The following LYZL2 variants were observed in gnomAD, a reference collection of about 807,000 sequenced individuals.
The protein encoded by LYZL2 is lysozyme like 2, also known as lysozyme-like protein 2.
In LYZL2, 13 loss-of-function variants were observed where a neutral mutation model predicts 17.1. That is an observed-to-expected ratio of 0.76 (90% CI 0.49 to 1.21). The LOEUF is 1.21. Ranked by LOEUF, LYZL2 falls within the 50% of genes most tolerant of loss-of-function variation. LYZL2 has a pLI of 0.00. For synonymous variants in LYZL2, 63 were observed against 74.4 expected, an observed-to-expected ratio of 0.85 and a Z score of 0.79; for missense variants, 166 against 189.2, an observed-to-expected ratio of 0.88 and a Z score of 0.72.
At chr10:30,613,973 G>C (rs373689013) in intron 3 of LYZL2, among the ~76,000 whole-genome samples, 1 of 152,200 alleles carries the variant, frequency 6.6e-6, no homozygotes, top group Admixed American at 6.5e-5. Context: ...GCCTCCCAAA[G>C]TGCTGGGATT....
chr10:30,608,151 C>A (rs1838396351), downstream of LYZL2, among the ~76,000 whole-genome samples: 1 of 152,206 alleles, frequency 6.6e-6, no homozygotes, highest in Non-Finnish European at 1.5e-5. Flanking sequence ...CCCTGTTGCC[C>A]AGGCTGGTCT....
At chr10:30,610,371 G>A (rs2132930066), downstream of LYZL2, among the ~76,000 whole-genome samples, 1 of 152,222 alleles carries the variant, frequency 6.6e-6, no homozygotes, top group South Asian at 2.1e-4. Context: ...CCATAAAAAA[G>A]AATGAGTTCA....
At chr10:30,626,038 G>T in intron 3 of LYZL2, 67 bp downstream of exon 3, 1 of 1,564,540 alleles carries the variant, frequency 6.4e-7, no homozygotes, top group East Asian at 2.3e-5. Flanking sequence ...AGACATGGTT[G>T]GTGATCCCAT....
chr10:30,614,806 A>C (rs1446259235), intron 3 of LYZL2, among the ~76,000 whole-genome samples: 1 of 152,152 alleles, frequency 6.6e-6, no homozygotes, highest in Non-Finnish European at 1.5e-5. Context: ...CCTTTCACCT[A>C]ATAATTTCTC....
chr10:30,629,494 G>T, intron 1 of LYZL2, 99 bp downstream of exon 1: 2 of 1,167,396 alleles, frequency 1.7e-6, no homozygotes, highest in Non-Finnish European at 2.4e-6. Flanking sequence ...AAAACCCGTA[G>T]CAATGATAAC....
intron 3 of LYZL2, among the ~76,000 whole-genome samples, chr10:30,618,045 A>G (rs1489171948): frequency 4.6e-5 from 7 of 151,670 alleles, no homozygotes; most frequent in Non-Finnish European, 8.8e-5. Context: ...ACAAACAGAG[A>G]GCCAAATCAT....
At chr10:30,610,755 T>C (rs897676714), downstream of LYZL2, among the ~76,000 whole-genome samples, 17 of 152,180 alleles carry the variant, frequency 1.1e-4, no homozygotes, top group Admixed American at 9.8e-4. Context: ...TATTTATTTT[T>C]TTTTCTGGAA....
intron 3 of LYZL2, among the ~76,000 whole-genome samples, chr10:30,613,888 A>T (rs1230625105): frequency 6.6e-6 from 1 of 151,840 alleles, no homozygotes; most frequent in Admixed American, 6.6e-5. Flanking sequence ...ACCATTTTTT[A>T]TTTTTATTTT....
At chr10:30,629,173 G>T (rs1213132808) in intron 1 of LYZL2, among the ~76,000 whole-genome samples, 1 of 152,148 alleles carries the variant, frequency 6.6e-6, no homozygotes, top group Non-Finnish European at 1.5e-5. Context: ...AGGGCAAATT[G>T]CTTGAAGCCA....
At position 30,612,033 on chromosome 10, in the gene LYZL2, G is replaced by A; in HGVS notation, c.378-9C>T. The A allele has an allele frequency of 6.8e-6, 11 of 1,613,922 alleles. No individual in the cohort carries two copies. The highest frequency in any genetic ancestry group is 1.1e-5 in the South Asian group (1 of 91,058). On this transcript the variant is annotated splice_polypyrimidine_tract_variant and intron_variant, in intron 4 of 4. Coordinates refer to ENST00000647634, the MANE Select transcript of LYZL2 (RefSeq NM_183058.3). ...GTTTCTTCCAGCCTTGCCTGAGGACGAGAGGGAAGCAAGAGCAGCAGAAAG... is the reference window on the plus strand; with the variant it reads ...GTTTCTTCCAGCCTTGCCTGAGGACAAGAGGGAAGCAAGAGCAGCAGAAAG...
intron 4 of LYZL2, 120 bp from the exon 5 acceptor site, chr10:30,612,144 T>G: frequency 8.2e-7 from 1 of 1,217,226 alleles, no homozygotes; most frequent in South Asian, 1.3e-5. Context: ...GGGTTTCATT[T>G]GCTTCTGAGA....
downstream of LYZL2, among the ~76,000 whole-genome samples, chr10:30,611,530 A>AGAAGGAAGGAAGGAAGGAAGGAAGGAAG: frequency 1.2e-5 from 1 of 80,424 alleles, no homozygotes; most frequent in East Asian, 3.2e-4. Flanking sequence ...GGAAAAAGAA[A>AGAAGGAAGGAAGGAAGGAAGGAAGGAAG]GAAGGAAGGA....
chr10:30,608,650 G>T (rs538784755), downstream of LYZL2, among the ~76,000 whole-genome samples: 8 of 152,128 alleles, frequency 5.3e-5, no homozygotes, highest in African/African-American at 1.9e-4. Context: ...TACCCCTTCC[G>T]TATCTCAGGG....
chr10:30,628,964 T>C (rs1838762476), intron 1 of LYZL2, among the ~76,000 whole-genome samples: 1 of 152,200 alleles, frequency 6.6e-6, no homozygotes, highest in South Asian at 2.1e-4. Context: ...GTGGCAGAGT[T>C]GAGTAGCTGT....
At chr10:30,617,520 C>T (rs997363221) in intron 3 of LYZL2, among the ~76,000 whole-genome samples, 4 of 151,510 alleles carry the variant, frequency 2.6e-5, no homozygotes, top group Admixed American at 1.3e-4. Flanking sequence ...ACTAAAAATA[C>T]AAAAGTTAGC....
rs34156491 is a variant in LYZL2, at chr10:30,613,499, G to GA, written c.299-600dup. 3.8e-3 allele frequency among the ~76,000 whole-genome samples: 474 copies of GA among 125,698 alleles called. 6 individuals are homozygous for GA. Among genetic ancestry groups the GA allele is most frequent in the East Asian group, 0.01 (44 of 4,250 alleles). 82.5% of individuals were successfully genotyped at this position (125,698 alleles called of 152,430 possible). On this transcript the variant is annotated intron_variant, in intron 3 of 4. Transcript: ENST00000647634. ...GCAACAGAGTGAGACTCTGTCTTAA[G>GA]AAAAAAAAAAAAAAGGCACATAAGA... is the stretch of plus-strand genomic sequence containing the variant.
chr10:30,617,094 T>C (rs565088361), intron 3 of LYZL2, among the ~76,000 whole-genome samples: 1 of 152,286 alleles, frequency 6.6e-6, no homozygotes, highest in South Asian at 2.1e-4. Flanking sequence ...GGTTTGGGGC[T>C]GTCTCTAGGG....
intron 4 of LYZL2, among the ~76,000 whole-genome samples, 196 bp from the exon 5 acceptor site, chr10:30,612,220 A>G (rs1838457436): frequency 6.6e-6 from 1 of 152,234 alleles, no homozygotes; most frequent in African/African-American, 2.4e-5. Context: ...AGCCACTGTT[A>G]GCCTCAGCAA....
chr10:30,612,643 A>G (rs530465837), intron 4 of LYZL2, among the ~76,000 whole-genome samples, 179 bp downstream of exon 4: 3 of 152,242 alleles, frequency 2.0e-5, no homozygotes, highest in East Asian at 3.9e-4. Flanking sequence ...CTCCCTTTCT[A>G]TGTACTACTA....
Sources: gnomAD v4.1 joint callset for allele counts (sites outside exome capture counted in the v4.1 genomes callset) on GRCh38, gnomAD v4.1.1 for gene constraint, MANE v1.5 for transcripts, NCBI Gene and HGNC (gene_info 2026-07-23, HGNC 2026-07-21) for gene names.